Variants in SUGCT observed in about 807,000 individuals in gnomAD.
The protein encoded by SUGCT is succinyl-CoA:glutarate-CoA transferase.
Under a neutral mutation model 55.0 loss-of-function variants are expected in SUGCT, and 41 were observed. The observed-to-expected ratio is 0.74, with a 90% CI of 0.58 to 0.97. The LOEUF is 0.97. Ranked by LOEUF, SUGCT falls within the 50% of genes least tolerant of loss-of-function variation. The pLI is 0.00. For missense variants in SUGCT, 568 were observed against 547.8 expected (o/e 1.04, Z -0.37); for synonymous variants, 187 against 200.4 (o/e 0.93, Z 0.56).
At chr7:40,491,374 T>C (rs1398450219) in intron 11 of SUGCT, among the ~76,000 whole-genome samples, 1 of 152,146 alleles carries the variant, frequency 6.6e-6, no homozygotes, top group Non-Finnish European at 1.5e-5. Context: ...GTATCTAAGT[T>C]GTAAGAAATG....
At position 40,319,659 on chromosome 7, in the gene SUGCT, T is replaced by C. The variant is rs766745709; in HGVS notation, c.816+2804T>C. On this transcript the variant is annotated intron_variant, in intron 9 of 13. Transcript: ENST00000335693. ...TGTTATTTTATAAGCATGCAGTTCT[T>C]AACTTCTCAGATTGATTATCCTCTC... Among the ~76,000 whole-genome samples the C allele has an allele frequency of 1.2e-4, 18 of 152,228 alleles. 1 individual carries two copies. Among genetic ancestry groups the C allele is most frequent in the African/African-American group, 2.4e-5 (1 of 41,470 alleles).
At chr7:40,541,877 A>G (rs1794702367) in intron 12 of SUGCT, among the ~76,000 whole-genome samples, 4 of 152,220 alleles carry the variant, frequency 2.6e-5, no homozygotes, top group African/African-American at 9.6e-5. Context: ...TGAAGAGTTT[A>G]GGATATATTT....
intron 12 of SUGCT, among the ~76,000 whole-genome samples, chr7:40,599,864 G>C (rs959198016): frequency 6.6e-6 from 1 of 152,198 alleles, no homozygotes; most frequent in South Asian, 2.1e-4. Context: ...TATGGATACT[G>C]GTCTCAGCAT....
intron 12 of SUGCT, among the ~76,000 whole-genome samples, chr7:40,545,413 G>T (rs942871033): frequency 5.3e-5 from 8 of 152,196 alleles, no homozygotes; most frequent in Non-Finnish European, 7.3e-5. Flanking sequence ...ATATAGTTCT[G>T]TTGGTCAAGG....
At chr7:41,002,892 C>T in the SUGCT span, among the ~76,000 whole-genome samples, 1 of 151,786 alleles carries the variant, frequency 6.6e-6, no homozygotes. Context: ...ATAATTCACG[C>T]CTTATGGGCT....
At chr7:40,277,935 G>A (rs1306710532) in intron 8 of SUGCT, among the ~76,000 whole-genome samples, 5 of 151,770 alleles carry the variant, frequency 3.3e-5, no homozygotes, top group South Asian at 2.1e-4. Flanking sequence ...GAGAACATGC[G>A]GTGTTTGGTT....
the SUGCT span, among the ~76,000 whole-genome samples, chr7:40,920,820 A>G: frequency 6.6e-6 from 1 of 152,260 alleles, no homozygotes; most frequent in African/African-American, 2.4e-5. Context: ...ATAAAAATAA[A>G]ATGAAAGATA....
intron 9 of SUGCT, among the ~76,000 whole-genome samples, chr7:40,336,121 T>C (rs1796685908): frequency 6.6e-6 from 1 of 152,100 alleles, no homozygotes; most frequent in Non-Finnish European, 1.5e-5. Flanking sequence ...GTGGATAAGG[T>C]TTTTGATGTG....
At chr7:40,521,610 G>A (rs1379337436) in intron 12 of SUGCT, among the ~76,000 whole-genome samples, 2 of 152,094 alleles carry the variant, frequency 1.3e-5, no homozygotes, top group Non-Finnish European at 2.9e-5. Context: ...CATAAATAAA[G>A]ACTGTAGCAG....
intron 3 of SUGCT, among the ~76,000 whole-genome samples, chr7:40,185,804 C>CAT (rs1785472044): frequency 6.6e-6 from 1 of 151,978 alleles, no homozygotes; most frequent in Non-Finnish European, 1.5e-5. Context: ...ATTACAGGGG[C>CAT]GAGCCACCAC....
chr7:40,566,259 T>G (rs77412034), intron 12 of SUGCT, among the ~76,000 whole-genome samples: 1,561 of 121,040 alleles, frequency 0.013, 28 homozygotes, highest in African/African-American at 0.042. Context: ...ACACAGATAC[T>G]ATTAGTATTA....
chr7:40,136,634 C>A (rs1787710764), intron 1 of SUGCT, among the ~76,000 whole-genome samples: 1 of 152,204 alleles, frequency 6.6e-6, no homozygotes, highest in Non-Finnish European at 1.5e-5. Context: ...AGGACTCCAG[C>A]CTATCCACTT....
chr7:40,464,071 A>G (rs1409842174), intron 11 of SUGCT, among the ~76,000 whole-genome samples: 1 of 152,208 alleles, frequency 6.6e-6, no homozygotes, highest in Non-Finnish European at 1.5e-5. Context: ...AGAGGGATAA[A>G]GATGATGTAT....
At chr7:40,684,144 C>T (rs774041239) in intron 12 of SUGCT, 1 of 1,592,046 alleles carries the variant, frequency 6.3e-7, no homozygotes, top group Non-Finnish European at 8.5e-7. Context: ...GTGAGTTGAG[C>T]CCTTCTCTTA....
At chr7:40,512,585 A>G (rs1275647163) in intron 12 of SUGCT, among the ~76,000 whole-genome samples, 1 of 152,116 alleles carries the variant, frequency 6.6e-6, no homozygotes, top group Non-Finnish European at 1.5e-5. Context: ...TATTTTAATG[A>G]TTTATATTTC....
the SUGCT span, among the ~76,000 whole-genome samples, chr7:40,930,408 T>C: frequency 5.9e-5 from 9 of 152,240 alleles, no homozygotes; most frequent in African/African-American, 2.2e-4. Flanking sequence ...ATGCAGGCTC[T>C]TTTTTGGTTC....
rs538978750 is a variant in SUGCT at position 40,725,576 on chromosome 7, CT to C, written c.1090-23845del. ...ATTGAGCAGTAGGGACCTCTATTTT[CT>C]TTTTTTTTTTTTCTTTTCACTCTCT... On this transcript the variant is annotated intron_variant, in intron 12 of 13. Transcript: ENST00000335693. Among the ~76,000 whole-genome samples, 625 of 142,804 alleles carry C rather than the reference CT, an allele frequency of 4.4e-3. 1 individual carries two copies. Among genetic ancestry groups the C allele is most frequent in the South Asian group, 9.8e-3 (44 of 4,506 alleles). 93.7% of individuals were successfully genotyped at this position (142,804 alleles called of 152,430 possible). A position where few individuals can be genotyped will look rare whatever the true frequency, so the allele number is the denominator to read the frequency against.
At chr7:40,737,411 C>A (rs1787218949) in intron 12 of SUGCT, among the ~76,000 whole-genome samples, 1 of 152,136 alleles carries the variant, frequency 6.6e-6, no homozygotes, top group African/African-American at 2.4e-5. Context: ...GGCTAAGAAT[C>A]AAATAAAGAT....
At chr7:40,382,656 T>C (rs1436899039) in intron 9 of SUGCT, among the ~76,000 whole-genome samples, 1 of 152,186 alleles carries the variant, frequency 6.6e-6, no homozygotes, top group Non-Finnish European at 1.5e-5. Flanking sequence ...TTAAGGCAAA[T>C]GTATTTGTGT....
Sources: gnomAD v4.1 joint callset for allele counts (sites outside exome capture counted in the v4.1 genomes callset) on GRCh38, gnomAD v4.1.1 for gene constraint, MANE v1.5 for transcripts, NCBI Gene and HGNC (gene_info 2026-07-23, HGNC 2026-07-21) for gene names.